FAM107B: variants seen among roughly 807,000 people sequenced by gnomAD.
FAM107B encodes the protein family with sequence similarity 107 member B, also known as protein FAM107B.
A neutral mutation model predicts 31.5 loss-of-function variants in FAM107B; 21 were observed. That is an observed-to-expected ratio of 0.67 (90% confidence interval 0.47 to 0.96). FAM107B has a LOEUF of 0.96. FAM107B is among the 40% of genes least tolerant of loss of function. The pLI, the probability that FAM107B is intolerant of heterozygous loss-of-function variation, is 0.00. For synonymous variants in FAM107B, 157 were observed against 141.5 expected, an observed-to-expected ratio of 1.11 and a Z score of -0.78; for missense variants, 452 against 377.1, an observed-to-expected ratio of 1.20 and a Z score of -1.64.
At chr10:14,533,712 G>A (rs1292307351) in intron 2 of FAM107B, among the ~76,000 whole-genome samples, 1 of 152,190 alleles carries the variant, frequency 6.6e-6, no homozygotes, top group Non-Finnish European at 1.5e-5. Flanking sequence ...ACATGACTTG[G>A]GCCTTGTTGC....
Position 14,774,336 on chromosome 10 carries a change from C to T in FAM107B, c.328G>A (p.Gly110Arg), listed in dbSNP as rs371796066. The part of the protein sequence containing the change: ...QPAETPEDVP[G>R]SLDDGADCEA... ...CAGTCCGCCCCATCATCCAGGGACCCGGGCACATCTTCAGGCGTCTCCGCG... is the reference window on the plus strand; with the variant it reads ...CAGTCCGCCCCATCATCCAGGGACCTGGGCACATCTTCAGGCGTCTCCGCG... The change falls in exon 1 of 5, where the codon GGG becomes AGG. Residue 110 changes from glycine (G) to arginine (R), a missense_variant. Gly to Arg is a moderately radical substitution (Grantham distance 125). Coordinates refer to ENST00000181796, the MANE Select transcript of FAM107B (RefSeq NM_031453.4). The T allele has an allele frequency of 1.5e-5, 24 of 1,614,208 alleles. No homozygotes were observed. The highest frequency in any genetic ancestry group is 3.3e-4 in the Middle Eastern group (2 of 6,062).
chr10:14,774,577 G>A lies in FAM107B; in HGVS notation c.87C>T (p.Ala29=), dbSNP rs1443823134. 1 of 1,614,232 alleles carries A rather than the reference G, an allele frequency of 6.2e-7. No individual in the cohort carries two copies. The highest frequency in any genetic ancestry group is 1.1e-5 in the South Asian group (1 of 91,092). The change falls in exon 1 of 5, where the codon GCC becomes GCT. Residue 29 remains alanine, a synonymous_variant. Transcript: ENST00000181796. ...CACTCTCCCTCGTATTCCCAAAACA[G>A]GCGAGCAGAGCTGAGCACGGAAATG... ...MHPFPCSALL[A]CFGNTRESAS...
intron 2 of FAM107B, among the ~76,000 whole-genome samples, chr10:14,530,911 T>C (rs1293898196): frequency 6.6e-6 from 1 of 152,234 alleles, no homozygotes; most frequent in Non-Finnish European, 1.5e-5. Context: ...ATGGCTGCAG[T>C]TGGACACATG....
intron 2 of FAM107B, among the ~76,000 whole-genome samples, chr10:14,636,656 C>A (rs561757457): frequency 2.0e-5 from 3 of 149,320 alleles, no homozygotes; most frequent in Non-Finnish European, 4.4e-5. Context: ...AGTTACATGG[C>A]GAAGGAAGTA....
intron 2 of FAM107B, among the ~76,000 whole-genome samples, chr10:14,650,826 T>C (rs1853879750): frequency 6.6e-6 from 1 of 152,218 alleles, no homozygotes; most frequent in Non-Finnish European, 1.5e-5. Flanking sequence ...ATAGTAAAAG[T>C]AAAAATAATA....
At chr10:14,522,968 C>G (rs751235700) in intron 3 of FAM107B, among the ~76,000 whole-genome samples, 1 of 152,114 alleles carries the variant, frequency 6.6e-6, no homozygotes, top group African/African-American at 2.4e-5. Flanking sequence ...AGCAAGTCGG[C>G]CTTCAGGGAA....
intron 2 of FAM107B, among the ~76,000 whole-genome samples, chr10:14,542,844 C>T (rs533125739): frequency 7.8e-4 from 118 of 152,232 alleles, no homozygotes; most frequent in African/African-American, 2.7e-3. Context: ...GAGTCTTTTG[C>T]CAAAGAAAGA....
chr10:14,636,271 CA>C (rs56401366), intron 2 of FAM107B, among the ~76,000 whole-genome samples: 27,900 of 85,290 alleles, frequency 0.33, 2,854 homozygotes, highest in African/African-American at 0.44. Flanking sequence ...AAAAAGGAGC[CA>C]AAAAAAAAAA....
chr10:14,693,561 T>A (rs1310779998), intron 1 of FAM107B, among the ~76,000 whole-genome samples: 2 of 151,922 alleles, frequency 1.3e-5, no homozygotes, highest in East Asian at 3.9e-4. Flanking sequence ...AATTAACACA[T>A]CCATTACCTC....
At chr10:14,771,101 A>T (rs867639941) in intron 1 of FAM107B, among the ~76,000 whole-genome samples, 3 of 152,130 alleles carry the variant, frequency 2.0e-5, no homozygotes, top group Non-Finnish European at 4.4e-5. Context: ...TAATAAAAGC[A>T]TCTCATTCAT....
At chr10:14,698,075 A>T (rs368781890) in intron 1 of FAM107B, among the ~76,000 whole-genome samples, 14 of 152,300 alleles carry the variant, frequency 9.2e-5, no homozygotes, top group African/African-American at 3.4e-4. Flanking sequence ...CAATGAGCCG[A>T]GATCATGCCA....
At chr10:14,598,568 C>T (rs1166019407) in intron 2 of FAM107B, among the ~76,000 whole-genome samples, 1 of 152,100 alleles carries the variant, frequency 6.6e-6, no homozygotes, top group Non-Finnish European at 1.5e-5. Context: ...GGGGAGTTAC[C>T]AATCAATGGG....
At chr10:14,542,167 G>A (rs1327377773) in intron 2 of FAM107B, among the ~76,000 whole-genome samples, 3 of 151,852 alleles carry the variant, frequency 2.0e-5, no homozygotes, top group Admixed American at 6.6e-5. Flanking sequence ...CTACTTAGGA[G>A]GCTGAGGCAC....
At chr10:14,683,570 A>G (rs1854898492) in intron 1 of FAM107B, among the ~76,000 whole-genome samples, 2 of 152,220 alleles carry the variant, frequency 1.3e-5, no homozygotes, top group South Asian at 4.1e-4. Context: ...GATTTGCATT[A>G]AAGTAAACAC....
At chr10:14,522,938 A>G (rs1845822525) in intron 3 of FAM107B, among the ~76,000 whole-genome samples, 1 of 152,136 alleles carries the variant, frequency 6.6e-6, no homozygotes. Flanking sequence ...TCAGATGTGT[A>G]GTTGATTATT....
intron 1 of FAM107B, among the ~76,000 whole-genome samples, chr10:14,720,322 T>G (rs1855881990): frequency 1.3e-5 from 2 of 152,184 alleles, no homozygotes; most frequent in Non-Finnish European, 2.9e-5. Context: ...GGCACGATCT[T>G]GGCTCACTGC....
At chr10:14,667,535 T>C in intron 2 of FAM107B, 99 bp downstream of exon 2, 1 of 1,207,960 alleles carries the variant, frequency 8.3e-7, no homozygotes, top group Non-Finnish European at 1.2e-6. Context: ...ATTTGGAACA[T>C]ACAGGTTTTC....
At chr10:14,567,172 A>G (rs796856143) in intron 2 of FAM107B, among the ~76,000 whole-genome samples, 15 of 152,268 alleles carry the variant, frequency 9.9e-5, no homozygotes, top group African/African-American at 3.4e-4. Context: ...AAATAAATAA[A>G]TAAAAATAAA....
At chr10:14,633,746 C>A (rs976426292) in intron 2 of FAM107B, among the ~76,000 whole-genome samples, 4 of 152,176 alleles carry the variant, frequency 2.6e-5, no homozygotes, top group African/African-American at 9.7e-5. Context: ...ATTTTCCATT[C>A]TGCAACCTGA....
Sources: gnomAD v4.1 joint callset for allele counts (sites outside exome capture counted in the v4.1 genomes callset) on GRCh38, gnomAD v4.1.1 for gene constraint, MANE v1.5 for transcripts, NCBI Gene and HGNC (gene_info 2026-07-23, HGNC 2026-07-21) for gene names.